Variants in CD1B observed in about 807,000 individuals in gnomAD.
The protein encoded by CD1B is T-cell surface glycoprotein CD1b.
CD1B carries 43 observed loss-of-function variants against 39.8 expected under a neutral mutation model. The observed-to-expected ratio is 1.08, with a 90% CI of 0.85 to 1.39. The LOEUF is 1.39. Ranked by LOEUF, CD1B falls within the 40% of genes most tolerant of loss-of-function variation. CD1B has a pLI of 0.00. For synonymous variants in CD1B, 192 were observed against 152.5 expected (o/e 1.26, Z -1.91); for missense variants, 495 against 403.8 (o/e 1.23, Z -1.94).
chr1:158,295,540 G>A, the CD1B span, among the ~76,000 whole-genome samples: 17 of 152,282 alleles, frequency 1.1e-4, no homozygotes, highest in African/African-American at 3.8e-4. Flanking sequence ...TGTGAGAACA[G>A]CTACAGTGGA....
the CD1B span, among the ~76,000 whole-genome samples, chr1:158,290,981 A>C: frequency 6.6e-6 from 1 of 152,146 alleles, no homozygotes; most frequent in East Asian, 1.9e-4. Context: ...GGATGGTGGC[A>C]GAGCATGGGG....
chr1:158,310,362 A>T, the CD1B span, among the ~76,000 whole-genome samples: 1 of 152,228 alleles, frequency 6.6e-6, no homozygotes, highest in Non-Finnish European at 1.5e-5. Context: ...AAACTACAGA[A>T]ATCTTGGAAG....
At chr1:158,293,286 T>C in the CD1B span, 3 of 1,613,884 alleles carry the variant, frequency 1.9e-6, no homozygotes, top group South Asian at 1.1e-5. Context: ...CCTTGTGTTA[T>C]GGTTTAAGAA....
At chr1:158,296,773 T>A in the CD1B span, among the ~76,000 whole-genome samples, 1 of 152,170 alleles carries the variant, frequency 6.6e-6, no homozygotes, top group African/African-American at 2.4e-5. Flanking sequence ...TTGACAGAGC[T>A]AAAAAATTCA....
the CD1B span, among the ~76,000 whole-genome samples, chr1:158,315,843 A>G: frequency 1.3e-5 from 2 of 152,170 alleles, no homozygotes; most frequent in East Asian, 1.9e-4. Context: ...TATGAGGTGT[A>G]AGGAAGGGAT....
At chr1:158,297,698 T>C in the CD1B span, among the ~76,000 whole-genome samples, 1 of 151,998 alleles carries the variant, frequency 6.6e-6, no homozygotes, top group Non-Finnish European at 1.5e-5. Flanking sequence ...ACTTTGAGGC[T>C]AAGGCAGGCC....
chr1:158,306,192 G>A, the CD1B span, among the ~76,000 whole-genome samples: 2 of 152,160 alleles, frequency 1.3e-5, no homozygotes, highest in South Asian at 4.1e-4. Flanking sequence ...CCCATAGCAA[G>A]TGCAGAGACA....
chr1:158,317,777 C>T, the CD1B span, among the ~76,000 whole-genome samples: 2 of 152,150 alleles, frequency 1.3e-5, no homozygotes, highest in Non-Finnish European at 2.9e-5. Flanking sequence ...TTGGATGTTT[C>T]CTGCTTTCTC....
chr1:158,325,122 A>G (rs115427235), downstream of CD1B, among the ~76,000 whole-genome samples: 1,543 of 152,112 alleles, frequency 0.01, 27 homozygotes, highest in African/African-American at 0.035. Flanking sequence ...TACTGAAGAT[A>G]ATGTCTCTTT....
chr1:158,303,451 G>A, the CD1B span, among the ~76,000 whole-genome samples: 1 of 151,718 alleles, frequency 6.6e-6, no homozygotes, highest in Admixed American at 6.6e-5. Flanking sequence ...GAAGAGAAAG[G>A]CATTCAAATA....
At chr1:158,324,519 C>T (rs181346417), downstream of CD1B, among the ~76,000 whole-genome samples, 6 of 152,138 alleles carry the variant, frequency 3.9e-5, no homozygotes, top group East Asian at 1.9e-4. Context: ...ATTGATTCAT[C>T]GGAAACCAAG....
chr1:158,312,964 G>A, the CD1B span, among the ~76,000 whole-genome samples: 1 of 151,998 alleles, frequency 6.6e-6, no homozygotes, highest in Non-Finnish European at 1.5e-5. Context: ...TCCCCATTTT[G>A]TTTTATATTA....
chr1:158,319,961 A>T, the CD1B span, among the ~76,000 whole-genome samples: 226 of 152,276 alleles, frequency 1.5e-3, 1 homozygote, highest in African/African-American at 4.9e-3. Flanking sequence ...GGTGCCTCCC[A>T]GTTAGGCTGC....
At chr1:158,290,773 G>A in the CD1B span, among the ~76,000 whole-genome samples, 4 of 152,152 alleles carry the variant, frequency 2.6e-5, no homozygotes, top group Non-Finnish European at 4.4e-5. Flanking sequence ...CAAATGACAT[G>A]CTGTTTCTGT....
chr1:158,326,602 T>A (rs1038885345), downstream of CD1B, among the ~76,000 whole-genome samples: 5 of 152,098 alleles, frequency 3.3e-5, no homozygotes, highest in African/African-American at 7.2e-5. Context: ...TATTTGGGGA[T>A]GTCATAATGT....
chr1:158,309,376 G>A, the CD1B span, among the ~76,000 whole-genome samples: 5 of 152,204 alleles, frequency 3.3e-5, no homozygotes, highest in African/African-American at 4.8e-5. Flanking sequence ...CTTTTACACT[G>A]TTGGTGGGAC....
chr1:158,318,031 T>C, the CD1B span, among the ~76,000 whole-genome samples: 1 of 152,208 alleles, frequency 6.6e-6, no homozygotes, highest in African/African-American at 2.4e-5. Context: ...TGAGAGATAG[T>C]TTGTTATAAT....
chr1:158,318,818 T>G, the CD1B span, among the ~76,000 whole-genome samples: 1 of 152,222 alleles, frequency 6.6e-6, no homozygotes. Context: ...TTCCTTTCCA[T>G]GTTTAGCGCT....
the CD1B span, among the ~76,000 whole-genome samples, chr1:158,297,606 G>T: frequency 6.6e-6 from 1 of 152,182 alleles, no homozygotes; most frequent in East Asian, 1.9e-4. Flanking sequence ...TACCTTGAAG[G>T]TAAATGAGCT....
Sources: allele counts gnomAD v4.1 joint callset (sites outside exome capture counted in the v4.1 genomes callset), GRCh38; gene constraint gnomAD v4.1.1; transcripts MANE v1.5; gene names NCBI Gene and HGNC (gene_info 2026-07-23, HGNC 2026-07-21).